AR: variants seen among roughly 807,000 people sequenced by gnomAD.
AR encodes dihydrotestosterone receptor.
In AR, 8 loss-of-function variants were observed where a neutral mutation model predicts 53.9. The observed-to-expected ratio is 0.15, with a 90% CI of 0.09 to 0.27. The LOEUF is 0.27. Among genes scored for constraint, AR ranks in the 10% least tolerant of loss-of-function variants. The probability of loss-of-function intolerance (pLI) is 1.00; values close to 1 mark genes in which losing one functional copy is unlikely to be tolerated. For missense variants in AR, 639 were observed against 742.5 expected (o/e 0.86, Z 1.62); for synonymous variants, 359 against 316.4 (o/e 1.13, Z -1.43).
chrX:67,727,047 G>A lies in AR; in HGVS notation c.*3206G>A, dbSNP rs1361897335. ...GGCAGCAGACAGCTGCCAGGATCAC[G>A]AACTCTGTAGTCAAAGAAAAGAGTC... On this transcript the variant is annotated 3_prime_UTR_variant, in exon 8 of 8. Transcript: ENST00000374690. 4 of 172,520 alleles carry A rather than the reference G, an allele frequency of 2.3e-5. No individual in the cohort carries two copies. The highest frequency in any genetic ancestry group is 4.4e-5 in the Non-Finnish European group (4 of 90,027). The allele number at this position is 172,520 out of a possible 1,213,427, so 14.2% of individuals were successfully genotyped here. A position where few individuals can be genotyped will look rare whatever the true frequency, so the allele number is the denominator to read the frequency against.
intron 3 of AR, among the ~76,000 whole-genome samples, chrX:67,701,674 TCACACACACA>T (rs3070104): frequency 2.3e-4 from 22 of 97,508 alleles, no homozygotes; most frequent in African/African-American, 5.9e-4. Flanking sequence ...TACTAACCAT[TCACACACACA>T]CACACACACA....
intron 1 of AR, among the ~76,000 whole-genome samples, chrX:67,596,053 C>G (rs1338529095): frequency 9.1e-6 from 1 of 109,605 alleles, no homozygotes; most frequent in East Asian, 2.9e-4. Context: ...ATAGTAAGTT[C>G]TCATGAGATC....
chrX:67,599,471 G>A (rs1384533181), intron 1 of AR, among the ~76,000 whole-genome samples: 3 of 111,661 alleles, frequency 2.7e-5, no homozygotes, highest in Admixed American at 1.9e-4. Context: ...ATTGTGTTTT[G>A]AATGTTAAAG....
chrX:67,627,992 C>T (rs910749506), intron 1 of AR, among the ~76,000 whole-genome samples: 4 of 111,533 alleles, frequency 3.6e-5, no homozygotes, highest in African/African-American at 1.3e-4. Context: ...TTTCATTGAT[C>T]TATATCTCTC....
At chrX:67,659,749 G>A (rs1926782088) in intron 2 of AR, among the ~76,000 whole-genome samples, 1 of 111,280 alleles carries the variant, frequency 9.0e-6, no homozygotes, top group African/African-American at 3.3e-5. Context: ...GGGATGGCTG[G>A]GTCAAATGGT....
At chrX:67,547,915 A>T (rs765874445) in intron 1 of AR, among the ~76,000 whole-genome samples, 14 of 111,933 alleles carry the variant, frequency 1.3e-4, no homozygotes, top group Non-Finnish European at 2.4e-4. Flanking sequence ...TCCTCACCGC[A>T]GTTGTTGAGC....
chrX:67,717,532 T>C lies in AR; in HGVS notation c.2228T>C (p.Met743Thr), dbSNP rs1131691625. Residue 743 changes from methionine to threonine, a missense_variant, in exon 5 of 8, where the codon ATG becomes ACG. Physicochemically the swap from Met to Thr is moderately conservative, Grantham distance 81. Around this residue, in one of 5 missense-constraint regions of AR, gnomAD observed 95 missense variants for 196.4 expected, o/e 0.48. Coordinates refer to ENST00000374690, the MANE Select transcript of AR (RefSeq NM_000044.6). ...DQMAVIQYSW[M>T]GLMVFAMGWR... ...ATGGCTGTCATTCAGTACTCCTGGA[T>C]GGGGCTCATGGTGTTTGCCATGGGC... 1 of 1,211,973 alleles carries C rather than the reference T, an allele frequency of 8.3e-7. No individual in the cohort carries two copies. The highest frequency in any genetic ancestry group is 1.1e-6 in the Non-Finnish European group (1 of 895,458).
intron 3 of AR, among the ~76,000 whole-genome samples, chrX:67,704,312 T>G (rs1278567890): frequency 8.9e-6 from 1 of 112,065 alleles, no homozygotes; most frequent in Non-Finnish European, 1.9e-5. Flanking sequence ...CACCTGTTGT[T>G]TCCTGACTTT....
rs185262206 is a variant in AR at position 67,675,643 on chromosome X, A to G, written c.1769-10367A>G. ...CTCTCCCAAGCCTGCTCTGAACACCATGTGGTTGCTGCTGGGGGCTGGGGG... is the reference window on the plus strand; with the variant it reads ...CTCTCCCAAGCCTGCTCTGAACACCGTGTGGTTGCTGCTGGGGGCTGGGGG... On this transcript the variant is annotated intron_variant, in intron 2 of 7. Transcript: ENST00000374690. Among the ~76,000 whole-genome samples, 322 of 111,639 alleles carry G rather than the reference A, an allele frequency of 2.9e-3. 1 individual carries two copies. The highest frequency in any genetic ancestry group is 0.01 in the African/African-American group (315 of 30,723).
At chrX:67,588,996 G>A (rs947233799) in intron 1 of AR, among the ~76,000 whole-genome samples, 1 of 112,428 alleles carries the variant, frequency 8.9e-6, no homozygotes, top group African/African-American at 3.2e-5. Flanking sequence ...TTCTACTTAG[G>A]TTCATGAAGG....
chrX:67,609,813 A>G (rs1344556297), intron 1 of AR, among the ~76,000 whole-genome samples: 2 of 111,972 alleles, frequency 1.8e-5, no homozygotes, highest in Non-Finnish European at 3.8e-5. Flanking sequence ...GAAAAACTTA[A>G]GTAGGCATCA....
At chrX:67,632,260 A>G (rs986790215) in intron 1 of AR, among the ~76,000 whole-genome samples, 2 of 113,134 alleles carry the variant, frequency 1.8e-5, no homozygotes, top group Admixed American at 9.3e-5. Flanking sequence ...TTGCAGTTTG[A>G]TCTCAGACTG....
intron 2 of AR, among the ~76,000 whole-genome samples, chrX:67,656,511 A>G (rs1256911758): frequency 9.0e-6 from 1 of 111,618 alleles, no homozygotes; most frequent in Non-Finnish European, 1.9e-5. Flanking sequence ...AAAAACAATA[A>G]TAATGGTGAT....
intron 1 of AR, among the ~76,000 whole-genome samples, chrX:67,634,779 A>G (rs948210017): frequency 9.0e-6 from 1 of 111,707 alleles, no homozygotes; most frequent in Non-Finnish European, 1.9e-5. Flanking sequence ...ATAGATCTAT[A>G]AGGAGAGAAT....
chrX:67,574,354 C>G (rs1921954157), intron 1 of AR, among the ~76,000 whole-genome samples: 1 of 111,275 alleles, frequency 9.0e-6, no homozygotes, highest in Non-Finnish European at 1.9e-5. Context: ...TACACACTTT[C>G]CAGAAGTAAG....
intron 2 of AR, among the ~76,000 whole-genome samples, chrX:67,647,597 TG>T (rs1394915202): frequency 4.5e-5 from 5 of 112,302 alleles, no homozygotes; most frequent in Non-Finnish European, 9.4e-5. Flanking sequence ...CAGGTATCTT[TG>T]GCCAAGGAGT....
At chrX:67,655,596 C>T (rs989825110) in intron 2 of AR, among the ~76,000 whole-genome samples, 5 of 111,257 alleles carry the variant, frequency 4.5e-5, no homozygotes, top group Non-Finnish European at 9.4e-5. Flanking sequence ...TTCAAGTACT[C>T]TCTACCCAAG....
Position 67,723,908 on chromosome X carries a change from ACT to A in AR, c.*70_*71del. The A allele has an allele frequency of 8.7e-7, 1 of 1,143,189 alleles. No individual in the cohort carries two copies. The highest frequency in any genetic ancestry group is 1.2e-6 in the Non-Finnish European group (1 of 841,746). 94.2% of individuals were successfully genotyped at this position (1,143,189 alleles called of 1,213,427 possible). A position where few individuals can be genotyped will look rare whatever the true frequency, so the allele number is the denominator to read the frequency against. On this transcript the variant is annotated 3_prime_UTR_variant, in exon 8 of 8. Transcript: ENST00000374690. ...TTTCAGATGTCTTCTGCCTGTTATA[ACT>A]CTGCACTACTCCTCTGCAGTGCCTT...
intron 1 of AR, among the ~76,000 whole-genome samples, chrX:67,594,594 A>G (rs949208035): frequency 8.9e-6 from 1 of 111,736 alleles, no homozygotes; most frequent in Non-Finnish European, 1.9e-5. Context: ...AACTGCAAAT[A>G]TTAGCTTATA....
Sources: allele counts gnomAD v4.1 joint callset (sites outside exome capture counted in the v4.1 genomes callset), GRCh38; gene constraint gnomAD v4.1.1; regional missense constraint gnomAD v4.1.1; transcripts MANE v1.5; gene names NCBI Gene and HGNC (gene_info 2026-07-23, HGNC 2026-07-21).